DHRSX: variants seen among roughly 807,000 people sequenced by gnomAD.
DHRSX encodes dehydrogenase/reductase X-linked.
DHRSX carries 31 observed loss-of-function variants against 34.0 expected under a neutral mutation model. The ratio of observed to expected loss-of-function variants is 0.91; its 90% CI spans 0.69 to 1.23. The LOEUF is 1.23. Among genes scored for constraint, DHRSX ranks in the 50% most tolerant of loss-of-function variants. The pLI is 0.00. For synonymous variants in DHRSX, 201 were observed against 183.8 expected, an observed-to-expected ratio of 1.09 and a Z score of -0.76; for missense variants, 414 against 428.1, an observed-to-expected ratio of 0.97 and a Z score of 0.29.
chrX:2,266,838 C>G lies in DHRSX; in HGVS notation c.498G>C (p.Leu166=). Residue 166 remains leucine, a synonymous_variant, in exon 5 of 7, where the codon CTG becomes CTC. Coordinates refer to ENST00000334651, the MANE Select transcript of DHRSX (RefSeq NM_145177.3). The part of the protein sequence containing the change: ...FLLTNLLLDT[L]KESGSPGHSA... ...TGTGGCCAGGGGACCCAGACTCTTT[C>G]AGCGTATCCAAGAGAAGGTTGGTCA... 6.2e-7 allele frequency: 1 copy of G among 1,613,994 alleles called. No individual in the cohort carries two copies. The highest frequency in any genetic ancestry group is 8.5e-7 in the Non-Finnish European group (1 of 1,179,876).
chrX:2,402,883 C>CTTTTTTTTTTTTTTTT (rs758977585), intron 3 of DHRSX, among the ~76,000 whole-genome samples: 1 of 117,770 alleles, frequency 8.5e-6, no homozygotes, highest in Non-Finnish European at 1.8e-5. Flanking sequence ...TAATTGGTTT[C>CTTTTTTTTTTTTTTTT]TTTTTTTTTT....
chrX:2,399,228 G>A (rs1039936770), intron 3 of DHRSX, among the ~76,000 whole-genome samples: 9 of 152,128 alleles, frequency 5.9e-5, no homozygotes, highest in Admixed American at 1.3e-4. Context: ...CTATGCCCAC[G>A]CATGAGAACA....
intron 3 of DHRSX, among the ~76,000 whole-genome samples, chrX:2,397,808 G>C (rs1400887050): frequency 1.3e-5 from 2 of 152,168 alleles, no homozygotes; most frequent in Non-Finnish European, 2.9e-5. Context: ...TTGCAAAGCA[G>C]ACCATACACA....
At chrX:2,384,789 T>C (rs1029923064) in intron 3 of DHRSX, among the ~76,000 whole-genome samples, 3 of 148,630 alleles carry the variant, frequency 2.0e-5, no homozygotes, top group African/African-American at 7.4e-5. Flanking sequence ...GGGGATGGCA[T>C]TGGGAGATAT....
chrX:2,446,953 C>A (rs1020271263), intron 1 of DHRSX, among the ~76,000 whole-genome samples: 2 of 151,858 alleles, frequency 1.3e-5, no homozygotes, highest in African/African-American at 4.8e-5. Context: ...AAGCCATGTA[C>A]GCACTAAAGA....
intron 3 of DHRSX, among the ~76,000 whole-genome samples, chrX:2,363,287 T>C: frequency 7.0e-6 from 1 of 142,228 alleles, no homozygotes; most frequent in East Asian, 2.2e-4. Context: ...CGTTCTATGG[T>C]ATCATGCCAT....
intron 3 of DHRSX, among the ~76,000 whole-genome samples, chrX:2,379,475 C>A (rs1290727949): frequency 1.3e-5 from 2 of 151,338 alleles, no homozygotes; most frequent in East Asian, 2.0e-4. Context: ...ACTTGACAAT[C>A]ATTTTAAACA....
chrX:2,321,168 T>G (rs1439253756), intron 3 of DHRSX, among the ~76,000 whole-genome samples: 1 of 152,082 alleles, frequency 6.6e-6, no homozygotes, highest in Non-Finnish European at 1.5e-5. Context: ...AGCATTTATA[T>G]AAATAAATGT....
chrX:2,381,797 C>CAAAAAAAAAAAAAA (rs767319246), intron 3 of DHRSX, among the ~76,000 whole-genome samples: 2 of 81,612 alleles, frequency 2.5e-5, no homozygotes. Context: ...AAGCCACAAC[C>CAAAAAAAAAAAAAA]AAAAAAAAAA....
chrX:2,319,371 C>T (rs749768689), intron 3 of DHRSX, among the ~76,000 whole-genome samples: 12 of 151,734 alleles, frequency 7.9e-5, no homozygotes, highest in Admixed American at 4.6e-4. Flanking sequence ...GGTGAAACCC[C>T]GTCTCTACTA....
chrX:2,221,094 G>C lies in DHRSX; in HGVS notation c.940C>G (p.Gln314Glu). The change falls in exon 7 of 7, where the codon CAG becomes GAG. Residue 314 changes from glutamine to glutamate, a missense_variant. Transcript: ENST00000334651. ...ATCTCACAACTCTTAGACCACAGCT[G>C]CTGCTGCAGTTTCTGGTTGTAGGTG... The part of the protein sequence containing the change: ...HVTYNQKLQQ[Q>E]LWSKSCEMTG... 6.2e-7 allele frequency: 1 copy of C among 1,613,954 alleles called. No homozygotes were observed. The highest frequency in any genetic ancestry group is 8.5e-7 in the Non-Finnish European group (1 of 1,179,860).
At chrX:2,462,932 G>A (rs1336815296) in intron 1 of DHRSX, among the ~76,000 whole-genome samples, 3 of 152,250 alleles carry the variant, frequency 2.0e-5, no homozygotes, top group Middle Eastern at 3.4e-3. Flanking sequence ...ATGGTGTCAG[G>A]AGGTGGGAGA....
chrX:2,422,063 C>G (rs1311624313), intron 2 of DHRSX, among the ~76,000 whole-genome samples: 1 of 152,086 alleles, frequency 6.6e-6, no homozygotes, highest in East Asian at 1.9e-4. Flanking sequence ...TGGGCTATCG[C>G]AAAGGCATTC....
intron 3 of DHRSX, among the ~76,000 whole-genome samples, chrX:2,342,640 G>A (rs993149107): frequency 1.6e-4 from 25 of 152,124 alleles, no homozygotes; most frequent in Non-Finnish European, 3.4e-4. Flanking sequence ...ACGGATGCCT[G>A]GGCTGGCCCA....
intron 3 of DHRSX, among the ~76,000 whole-genome samples, chrX:2,347,102 T>C (rs2042728657): frequency 6.6e-6 from 1 of 152,186 alleles, no homozygotes; most frequent in South Asian, 2.1e-4. Context: ...AAGTATGTTT[T>C]CATGCTGTAG....
chrX:2,483,154 C>G (rs1457532423), intron 1 of DHRSX, among the ~76,000 whole-genome samples: 2 of 152,182 alleles, frequency 1.3e-5, no homozygotes, highest in Non-Finnish European at 2.9e-5. Context: ...GATGCAATCT[C>G]AGCTCACTGC....
chrX:2,478,802 GC>G (rs2044722635), intron 1 of DHRSX, among the ~76,000 whole-genome samples: 1 of 151,588 alleles, frequency 6.6e-6, no homozygotes, highest in South Asian at 2.1e-4. Context: ...TTAGAATGTG[GC>G]CCGGGGACCA....
chrX:2,284,120 T>C (rs777471072), intron 4 of DHRSX, among the ~76,000 whole-genome samples: 1 of 152,372 alleles, frequency 6.6e-6, no homozygotes, highest in South Asian at 2.1e-4. Context: ...TTGAATTCAT[T>C]CAGATTCACT....
intron 3 of DHRSX, among the ~76,000 whole-genome samples, chrX:2,331,844 A>G (rs1365123224): frequency 6.6e-6 from 1 of 152,144 alleles, no homozygotes; most frequent in Non-Finnish European, 1.5e-5. Flanking sequence ...GAAAGGGTCA[A>G]CTGATGTGAC....
Sources: gnomAD v4.1 joint callset for allele counts (sites outside exome capture counted in the v4.1 genomes callset) on GRCh38, gnomAD v4.1.1 for gene constraint, MANE v1.5 for transcripts, NCBI Gene and HGNC (gene_info 2026-07-23, HGNC 2026-07-21) for gene names.